LRP1B: variants seen among roughly 807,000 people sequenced by gnomAD.
LRP1B encodes low-density lipoprotein receptor-related protein 1B.
In LRP1B, 217 loss-of-function variants were observed where a neutral mutation model predicts 556.6. That is an observed-to-expected ratio of 0.39 (90% CI 0.35 to 0.44). LRP1B has a LOEUF of 0.44. Among genes scored for constraint, LRP1B ranks in the 20% least tolerant of loss-of-function variants. The pLI is 1.00. For synonymous variants in LRP1B, 2,047 were observed against 1,865.8 expected (o/e 1.10, Z -2.50); for missense variants, 5,053 against 5,620.8 (o/e 0.90, Z 3.23).
chr2:141,140,669 A>G (rs2105054618), intron 7 of LRP1B, among the ~76,000 whole-genome samples: 1 of 152,248 alleles, frequency 6.6e-6, no homozygotes, highest in South Asian at 2.1e-4. Context: ...AGGGGAAACC[A>G]AACCTGCTGA....
At chr2:140,893,819 C>T (rs1433244319) in intron 23 of LRP1B, among the ~76,000 whole-genome samples, 1 of 151,976 alleles carries the variant, frequency 6.6e-6, no homozygotes, top group African/African-American at 2.4e-5. Context: ...CTAAATGAAG[C>T]GACATATGTG....
intron 41 of LRP1B, among the ~76,000 whole-genome samples, chr2:140,660,405 A>G (rs1685049714): frequency 6.6e-6 from 1 of 152,108 alleles, no homozygotes; most frequent in Non-Finnish European, 1.5e-5. Context: ...GTAATTAAAA[A>G]CTATTTTTTC....
At chr2:142,058,041 G>T (rs188132444) in intron 1 of LRP1B, among the ~76,000 whole-genome samples, 29 of 152,240 alleles carry the variant, frequency 1.9e-4, no homozygotes, top group Middle Eastern at 3.4e-3. Context: ...ACAACACAAG[G>T]TGTCTCACAT....
intron 35 of LRP1B, among the ~76,000 whole-genome samples, chr2:140,729,526 T>C (rs994654132): frequency 1.7e-4 from 26 of 152,084 alleles, no homozygotes; most frequent in African/African-American, 5.8e-4. Flanking sequence ...GCTTGGACTT[T>C]CAGGAAAAAA....
intron 35 of LRP1B, among the ~76,000 whole-genome samples, chr2:140,742,343 TTC>T (rs1573650665): frequency 6.6e-6 from 1 of 152,274 alleles, no homozygotes; most frequent in East Asian, 1.9e-4. Flanking sequence ...CTTCATCTAG[TTC>T]TCTCATGTTT....
intron 2 of LRP1B, among the ~76,000 whole-genome samples, chr2:141,658,972 T>C (rs1690113618): frequency 6.6e-6 from 1 of 152,160 alleles, no homozygotes; most frequent in South Asian, 2.1e-4. Context: ...TGTGTGATCA[T>C]GGCTCACTGC....
chr2:140,859,519 T>C lies in LRP1B; in HGVS notation c.4580-7736A>G, dbSNP rs1278893148. Among the ~76,000 whole-genome samples, 4 of 152,308 alleles carry C rather than the reference T, an allele frequency of 2.6e-5. No individual in the cohort carries two copies. In the South Asian group the frequency reaches 8.3e-4, roughly 32 times the overall value. On this transcript the variant is annotated intron_variant, in intron 27 of 90. Transcript: ENST00000389484. ...ATTGGAGGCACTTAAATCATTTCGA[T>C]GTTAAACTACTTTTTGAGAAACAGC...
intron 1 of LRP1B, among the ~76,000 whole-genome samples, chr2:141,885,159 T>C (rs1699071268): frequency 6.6e-6 from 1 of 152,224 alleles, no homozygotes; most frequent in Non-Finnish European, 1.5e-5. Context: ...GCTTTTAAAT[T>C]GACAATAATA....
chr2:141,644,504 T>C (rs1689475794), intron 2 of LRP1B, among the ~76,000 whole-genome samples: 1 of 152,238 alleles, frequency 6.6e-6, no homozygotes, highest in South Asian at 2.1e-4. Flanking sequence ...GAAAACGGAC[T>C]GATACAATCA....
intron 41 of LRP1B, among the ~76,000 whole-genome samples, chr2:140,667,193 C>A (rs1685308833): frequency 6.6e-6 from 1 of 152,028 alleles, no homozygotes; most frequent in African/African-American, 2.4e-5. Flanking sequence ...TGGGACAGAG[C>A]AGAAAAGAAA....
intron 66 of LRP1B, among the ~76,000 whole-genome samples, chr2:140,391,032 CAATAAA>C (rs1683995731): frequency 6.6e-6 from 1 of 151,698 alleles, no homozygotes; most frequent in Non-Finnish European, 1.5e-5. Context: ...GGTATTCACC[CAATAAA>C]AATAAAAGTA....
chr2:140,583,897 C>T (rs1681880125), intron 43 of LRP1B, among the ~76,000 whole-genome samples: 1 of 152,112 alleles, frequency 6.6e-6, no homozygotes, highest in African/African-American at 2.4e-5. Context: ...AATCAAAGCA[C>T]TGTATAACTT....
chr2:141,359,616 T>A (rs1218073078), intron 3 of LRP1B, among the ~76,000 whole-genome samples: 1 of 146,540 alleles, frequency 6.8e-6, no homozygotes, highest in Non-Finnish European at 1.5e-5. Flanking sequence ...ATTAGCGGGG[T>A]GCAGTGGCAG....
chr2:140,327,120 C>G (rs1283626640), intron 79 of LRP1B, among the ~76,000 whole-genome samples: 1 of 152,028 alleles, frequency 6.6e-6, no homozygotes, highest in Non-Finnish European at 1.5e-5. Flanking sequence ...CCTTAGGCAA[C>G]TGAAGAGTGT....
rs1573861864 is a variant in LRP1B, at chr2:140,903,252, A to T, written c.3521-87T>A. ...TCATTGAACTCAATTCTCTAAGCCTACAATTAGCCAGGATACTACAAATGA... is the reference window on the plus strand; with the variant it reads ...TCATTGAACTCAATTCTCTAAGCCTTCAATTAGCCAGGATACTACAAATGA... On this transcript the variant is annotated intron_variant, in intron 22 of 90. Transcript: ENST00000389484. The T allele has an allele frequency of 6.2e-6, 9 of 1,455,436 alleles. No homozygotes were observed. The East Asian group carries it at 2.1e-4, about 34-fold the overall frequency. 90.2% of individuals were successfully genotyped at this position (1,455,436 alleles called of 1,614,324 possible).
Position 140,323,883 on chromosome 2 carries a change from T to C in LRP1B, c.12514+10A>G. ...CCAATATAGACAACTTCATAATATATTATACTTACAATCTAGTTGTTTATA... is the reference window on the plus strand; with the variant it reads ...CCAATATAGACAACTTCATAATATACTATACTTACAATCTAGTTGTTTATA... On this transcript the variant is annotated intron_variant, in intron 81 of 90. Transcript: ENST00000389484. The C allele has an allele frequency of 1.5e-6, 2 of 1,346,660 alleles. No homozygotes were observed. The highest frequency in any genetic ancestry group is 2.1e-6 in the Non-Finnish European group (2 of 944,284). The allele number at this position is 1,346,660 out of a possible 1,614,324, so 83.4% of individuals were successfully genotyped here. A position where few individuals can be genotyped will look rare whatever the true frequency, so the allele number is the denominator to read the frequency against.
chr2:141,924,304 G>A (rs888841142), intron 1 of LRP1B, among the ~76,000 whole-genome samples: 1 of 151,964 alleles, frequency 6.6e-6, no homozygotes, highest in African/African-American at 2.4e-5. Flanking sequence ...CTGCTTGATA[G>A]CCAAAACTTC....
Position 140,867,642 on chromosome 2 carries a change from G to T in LRP1B, c.4527C>A (p.Thr1509=), listed in dbSNP as rs757071171. Residue 1509 remains threonine (T), a synonymous_variant, in exon 27 of 91, where the codon ACC becomes ACA. Transcript: ENST00000389484. ...TGQNVSVIQK[T]SAQPFDLQIY... is the part of the protein sequence containing the mutation. ...TCTGAAGGTCAAATGGCTGTGCACT[G>T]GTTTTCTGAATCACACTGACATTCT... The T allele has an allele frequency of 6.2e-7, 1 of 1,613,408 alleles. No individual in the cohort carries two copies. The highest frequency in any genetic ancestry group is 8.5e-7 in the Non-Finnish European group (1 of 1,179,572).
chr2:141,644,206 T>A (rs145820978), intron 2 of LRP1B, among the ~76,000 whole-genome samples: 1 of 152,038 alleles, frequency 6.6e-6, no homozygotes, highest in Admixed American at 6.6e-5. Flanking sequence ...GAATTGTAAC[T>A]CTCACAATTC....
Sources: gnomAD v4.1 joint callset for allele counts (sites outside exome capture counted in the v4.1 genomes callset) on GRCh38, gnomAD v4.1.1 for gene constraint, MANE v1.5 for transcripts, NCBI Gene and HGNC (gene_info 2026-07-23, HGNC 2026-07-21) for gene names.